The following TRPC5 variants were observed in gnomAD, a reference collection of about 807,000 sequenced individuals.
TRPC5 encodes transient receptor potential cation channel subfamily C member 5, also known as short transient receptor potential channel 5.
Under a neutral mutation model 56.5 loss-of-function variants are expected in TRPC5, and 9 were observed. The ratio of observed to expected loss-of-function variants is 0.16; its 90% confidence interval spans 0.10 to 0.28. The LOEUF (loss-of-function observed/expected upper bound fraction) is 0.28, where lower values mean the gene tolerates loss of function less well. TRPC5 is among the 10% of genes least tolerant of loss of function. The probability of loss-of-function intolerance (pLI) is 1.00; values close to 1 mark genes in which losing one functional copy is unlikely to be tolerated. For missense variants in TRPC5, 469 were observed against 748.9 expected (o/e 0.63, Z 4.36); for synonymous variants, 282 against 278.5 (o/e 1.01, Z -0.13).
intron 3 of TRPC5, among the ~76,000 whole-genome samples, chrX:111,912,034 A>G (rs7052300): frequency 0.11 from 12,702 of 111,274 alleles, 926 homozygotes; most frequent in African/African-American, 0.27. Flanking sequence ...TATCGCAAAC[A>G]CTCCGAACAG....
At chrX:111,945,419 G>A (rs1479275205) in intron 2 of TRPC5, among the ~76,000 whole-genome samples, 3 of 109,939 alleles carry the variant, frequency 2.7e-5, no homozygotes, top group African/African-American at 1.0e-4. Flanking sequence ...TTAGGTAGTG[G>A]GCCAAGAGGG....
chrX:111,794,770 C>T lies in TRPC5; in HGVS notation c.1897-12632G>A, dbSNP rs764306459. On this transcript the variant is annotated intron_variant, in intron 7 of 10. Transcript: ENST00000262839. ...GGAAAGGCAATGTCCTCTGGGGCCTCTTTTATAAGAGCACAATTCCATTCA... is the reference window on the plus strand; with the variant it reads ...GGAAAGGCAATGTCCTCTGGGGCCTTTTTTATAAGAGCACAATTCCATTCA... 9.0e-5 allele frequency among the ~76,000 whole-genome samples: 10 copies of T among 111,237 alleles called. No individual in the cohort carries two copies. In the East Asian group the frequency reaches 2.0e-3, roughly 22 times the overall value.
At chrX:112,003,751 GT>G (rs772670560) in intron 1 of TRPC5, among the ~76,000 whole-genome samples, 1 of 111,254 alleles carries the variant, frequency 9.0e-6, no homozygotes, top group Non-Finnish European at 1.9e-5. Flanking sequence ...AGGATTTAGG[GT>G]TTTATTCTAC....
intron 1 of TRPC5, among the ~76,000 whole-genome samples, chrX:111,980,375 T>C (rs1928045266): frequency 9.0e-6 from 1 of 111,510 alleles, no homozygotes; most frequent in African/African-American, 3.3e-5. Context: ...GTGATAGATA[T>C]GTTCATTTGT....
At chrX:111,993,515 C>T (rs1418666247) in intron 1 of TRPC5, among the ~76,000 whole-genome samples, 2 of 112,285 alleles carry the variant, frequency 1.8e-5, no homozygotes, top group African/African-American at 3.2e-5. Flanking sequence ...TACACTCCCA[C>T]CAACAGTGTA....
chrX:111,964,640 A>G (rs1313868149), intron 1 of TRPC5, among the ~76,000 whole-genome samples: 1 of 112,699 alleles, frequency 8.9e-6, no homozygotes, highest in Admixed American at 9.4e-5. Flanking sequence ...CAGAAACTCT[A>G]CAAGCCAGAA....
intron 3 of TRPC5, among the ~76,000 whole-genome samples, chrX:111,879,208 C>T (rs1177483318): frequency 1.8e-5 from 2 of 111,583 alleles, no homozygotes; most frequent in Admixed American, 9.5e-5. Context: ...AGAATGGAGA[C>T]ATCAGAAAAA....
intron 1 of TRPC5, among the ~76,000 whole-genome samples, chrX:112,067,290 C>T (rs749604786): frequency 5.2e-4 from 59 of 112,769 alleles, no homozygotes; most frequent in South Asian, 7.4e-4. Context: ...CTTCCCTTGT[C>T]ACCTCTCTTA....
In TRPC5 at chrX:112,009,961, G is replaced by A. The variant is rs141917519; in HGVS notation, c.-21-57520C>T. On this transcript the variant is annotated intron_variant, in intron 1 of 10. Transcript: ENST00000262839. ...GTATACATATGTAACAAACCTGCAC[G>A]TTGTGCACATGTACCCTAGAACTTA... is the stretch of plus-strand genomic sequence containing the variant. Among the ~76,000 whole-genome samples the A allele has an allele frequency of 9.5e-4, 106 of 111,482 alleles. No individual in the cohort carries two copies. In the East Asian group the frequency reaches 0.015, roughly 16 times the overall value.
chrX:111,779,789 G>GT (rs759698488), intron 9 of TRPC5, among the ~76,000 whole-genome samples: 1 of 112,103 alleles, frequency 8.9e-6, no homozygotes, highest in African/African-American at 3.2e-5. Context: ...TACACAACTA[G>GT]TAAGTGTCAG....
chrX:111,884,377 G>A (rs1434789322), intron 3 of TRPC5, among the ~76,000 whole-genome samples: 3 of 112,436 alleles, frequency 2.7e-5, no homozygotes, highest in South Asian at 3.7e-4. Flanking sequence ...TTATTAAGGC[G>A]TAAACAGAGT....
chrX:111,994,404 A>G (rs1928458353), intron 1 of TRPC5, among the ~76,000 whole-genome samples: 1 of 111,345 alleles, frequency 9.0e-6, no homozygotes, highest in Non-Finnish European at 1.9e-5. Context: ...TTGGTTCCAT[A>G]TGAAGTTTAA....
intron 1 of TRPC5, among the ~76,000 whole-genome samples, chrX:111,970,512 A>G (rs1428739895): frequency 9.0e-6 from 1 of 111,383 alleles, no homozygotes; most frequent in Admixed American, 9.6e-5. Context: ...CTTTTGTACA[A>G]GGTCATGTTT....
intron 3 of TRPC5, among the ~76,000 whole-genome samples, chrX:111,882,239 C>T (rs1487246459): frequency 9.1e-6 from 1 of 110,124 alleles, no homozygotes; most frequent in African/African-American, 3.3e-5. Context: ...AAGAGTATCC[C>T]CCTGGTTTCT....
At chrX:111,786,232 C>A (rs1428868520) in intron 7 of TRPC5, among the ~76,000 whole-genome samples, 2 of 111,527 alleles carry the variant, frequency 1.8e-5, no homozygotes. Context: ...AGAAACCCTA[C>A]GAGCCAGAAG....
At chrX:112,035,415 C>T (rs982285303) in intron 1 of TRPC5, among the ~76,000 whole-genome samples, 3 of 108,328 alleles carry the variant, frequency 2.8e-5, no homozygotes, top group Non-Finnish European at 5.7e-5. Context: ...GTTTCTTTAT[C>T]TTGTGTTTAG....
At chrX:111,827,150 G>A (rs748813875) in intron 7 of TRPC5, among the ~76,000 whole-genome samples, 2 of 111,516 alleles carry the variant, frequency 1.8e-5, no homozygotes, top group South Asian at 7.7e-4. Flanking sequence ...ACATTGTCTT[G>A]ATTTTTCTCC....
intron 2 of TRPC5, among the ~76,000 whole-genome samples, chrX:111,947,439 C>A (rs1000354229): frequency 1.8e-5 from 2 of 111,283 alleles, no homozygotes; most frequent in Non-Finnish European, 3.8e-5. Context: ...TGGGTTCAAG[C>A]GATTCTCCTG....
intron 1 of TRPC5, among the ~76,000 whole-genome samples, chrX:111,967,301 T>C (rs1927620933): frequency 9.0e-6 from 1 of 110,760 alleles, no homozygotes; most frequent in Non-Finnish European, 1.9e-5. Flanking sequence ...CAAGGAGAAC[T>C]ACAAACCACT....
Sources: gnomAD v4.1 joint callset for allele counts (sites outside exome capture counted in the v4.1 genomes callset) on GRCh38, gnomAD v4.1.1 for gene constraint, MANE v1.5 for transcripts, NCBI Gene and HGNC (gene_info 2026-07-23, HGNC 2026-07-21) for gene names.